The following KCND2 variants were observed in gnomAD, a reference collection of about 807,000 sequenced individuals.
KCND2 encodes the protein potassium voltage-gated channel subfamily D member 2, also known as A-type voltage-gated potassium channel KCND2.
A neutral mutation model predicts 54.4 loss-of-function variants in KCND2; 16 were observed. That is an observed-to-expected ratio of 0.29 (90% CI 0.20 to 0.45). KCND2 has a LOEUF of 0.45. Among genes scored for constraint, KCND2 ranks in the 20% least tolerant of loss-of-function variants. The probability of loss-of-function intolerance (pLI) is 1.00; values close to 1 mark genes in which losing one functional copy is unlikely to be tolerated. For synonymous variants in KCND2, 317 were observed against 310.7 expected, an observed-to-expected ratio of 1.02 and a Z score of -0.21; for missense variants, 486 against 824.2, an observed-to-expected ratio of 0.59 and a Z score of 5.02.
chr7:120,538,728 C>A (rs986984652), intron 1 of KCND2, among the ~76,000 whole-genome samples: 1 of 152,132 alleles, frequency 6.6e-6, no homozygotes, highest in Non-Finnish European at 1.5e-5. Flanking sequence ...AGACTAACCT[C>A]GGCCCTATAA....
chr7:120,485,140 A>G (rs1334464821), intron 1 of KCND2, among the ~76,000 whole-genome samples: 1 of 152,160 alleles, frequency 6.6e-6, no homozygotes, highest in African/African-American at 2.4e-5. Context: ...CTCCAGCCTC[A>G]GTCTCCCAAT....
At position 120,679,254 on chromosome 7, in the gene KCND2, CT is replaced by C. The variant is rs200553418; in HGVS notation, c.1116-53648del. 5.4e-3 allele frequency among the ~76,000 whole-genome samples: 816 copies of C among 151,370 alleles called. 7 individuals are homozygous for C. Among genetic ancestry groups the C allele is most frequent in the Middle Eastern group, 0.031 (9 of 292 alleles). ...AAAGGATCTCTCTCCTTTTTTGTTTCTGCTTCTATATGCTATTTCCAATGAG... is the reference window on the plus strand; with the variant it reads ...AAAGGATCTCTCTCCTTTTTTGTTTCGCTTCTATATGCTATTTCCAATGAG... On this transcript the variant is annotated intron_variant, in intron 1 of 5. Transcript: ENST00000331113.
At chr7:120,529,065 C>A (rs986110397) in intron 1 of KCND2, among the ~76,000 whole-genome samples, 13 of 152,188 alleles carry the variant, frequency 8.5e-5, no homozygotes, top group Admixed American at 2.6e-4. Context: ...GCTTTCACTA[C>A]AACCAGTAAC....
At chr7:120,448,236 G>A (rs1283138815) in intron 1 of KCND2, among the ~76,000 whole-genome samples, 2 of 148,416 alleles carry the variant, frequency 1.3e-5, no homozygotes, top group East Asian at 2.0e-4. Flanking sequence ...GTGTCCAAGT[G>A]TTCTCATTGT....
intron 1 of KCND2, among the ~76,000 whole-genome samples, chr7:120,345,853 T>A (rs893136649): frequency 6.6e-6 from 1 of 152,220 alleles, no homozygotes; most frequent in African/African-American, 2.4e-5. Flanking sequence ...TCCTTTTGAA[T>A]ATATACACAG....
At chr7:120,500,070 G>A (rs909567392) in intron 1 of KCND2, among the ~76,000 whole-genome samples, 2 of 152,028 alleles carry the variant, frequency 1.3e-5, no homozygotes, top group African/African-American at 2.4e-5. Context: ...TATATATGTG[G>A]GCTTTCTTAG....
At position 120,309,476 on chromosome 7, in the gene KCND2, C is replaced by CATATATATATATATATATATAT. The variant is rs1554425449; in HGVS notation, c.1115+33730_1115+33731insTATATATATATATATATATATA. On this transcript the variant is annotated intron_variant, in intron 1 of 5. Transcript: ENST00000331113. Reference sequence around the variant, plus strand: ...ACATATATATATATATATATATATACACACACACACACACACACACACACA... The same window carrying CATATATATATATATATATATAT: ...ACATATATATATATATATATATATACATATATATATATATATATATATACACACACACACACACACACACACA... Among the ~76,000 whole-genome samples, 2 of 78,772 alleles carry CATATATATATATATATATATAT rather than the reference C, an allele frequency of 2.5e-5. 1 individual carries two copies. Among genetic ancestry groups the CATATATATATATATATATATAT allele is most frequent in the East Asian group, 1.3e-3 (2 of 1,576 alleles). 51.7% of individuals were successfully genotyped at this position (78,772 alleles called of 152,430 possible).
chr7:120,464,311 C>A (rs935191993), intron 1 of KCND2, among the ~76,000 whole-genome samples: 2 of 151,634 alleles, frequency 1.3e-5, no homozygotes, highest in African/African-American at 4.8e-5. Flanking sequence ...AATTCTTATT[C>A]ATTTATTTGT....
intron 1 of KCND2, among the ~76,000 whole-genome samples, chr7:120,495,134 A>AT (rs1031605890): frequency 6.6e-6 from 1 of 151,890 alleles, no homozygotes; most frequent in Admixed American, 6.6e-5. Flanking sequence ...TTTTTTTAAT[A>AT]TTTTTTTTCC....
At chr7:120,387,417 A>G (rs982314679) in intron 1 of KCND2, among the ~76,000 whole-genome samples, 1 of 152,042 alleles carries the variant, frequency 6.6e-6, no homozygotes, top group Non-Finnish European at 1.5e-5. Context: ...TAAATAAGTT[A>G]AAGAGTATTT....
intron 1 of KCND2, among the ~76,000 whole-genome samples, chr7:120,595,706 A>T (rs373082220): frequency 1.3e-5 from 2 of 150,932 alleles, no homozygotes; most frequent in Non-Finnish European, 2.9e-5. Flanking sequence ...AATCTCAATG[A>T]TATTTTTAAT....
intron 1 of KCND2, among the ~76,000 whole-genome samples, chr7:120,517,451 T>C (rs778787394): frequency 8.5e-5 from 13 of 152,098 alleles, no homozygotes; most frequent in Non-Finnish European, 1.6e-4. Context: ...AAAAAGTGAT[T>C]AGTATTCGAT....
At chr7:120,479,796 C>CAAAAAAA (rs771337674) in intron 1 of KCND2, among the ~76,000 whole-genome samples, 1 of 75,604 alleles carries the variant, frequency 1.3e-5, no homozygotes, top group Non-Finnish European at 2.9e-5. Context: ...TACACACACA[C>CAAAAAAA]AAAAAAAAAA....
intron 1 of KCND2, among the ~76,000 whole-genome samples, chr7:120,582,059 T>C (rs888131729): frequency 2.0e-5 from 3 of 152,050 alleles, no homozygotes; most frequent in African/African-American, 4.8e-5. Context: ...AAAGAAAACC[T>C]TCAGTCCTTT....
chr7:120,383,481 G>A (rs1800941027), intron 1 of KCND2, among the ~76,000 whole-genome samples: 1 of 150,784 alleles, frequency 6.6e-6, no homozygotes, highest in Non-Finnish European at 1.5e-5. Flanking sequence ...AAATGCATGT[G>A]AAGCCTTATA....
At chr7:120,743,311 A>G (rs1241482040) in intron 4 of KCND2, among the ~76,000 whole-genome samples, 1 of 152,164 alleles carries the variant, frequency 6.6e-6, no homozygotes, top group Admixed American at 6.5e-5. Flanking sequence ...CGGGTGACAC[A>G]TGATTTGTAT....
intron 1 of KCND2, among the ~76,000 whole-genome samples, chr7:120,494,740 T>C (rs540591599): frequency 6.6e-6 from 1 of 152,338 alleles, no homozygotes; most frequent in East Asian, 1.9e-4. Context: ...GTGCATGGCA[T>C]ACTATTTTAT....
intron 1 of KCND2, among the ~76,000 whole-genome samples, chr7:120,453,469 C>T (rs1486732032): frequency 1.3e-5 from 2 of 152,192 alleles, no homozygotes; most frequent in Non-Finnish European, 2.9e-5. Flanking sequence ...GGTGACCCCA[C>T]CCAATCCTGC....
chr7:120,279,148 T>C (rs1292038793), intron 1 of KCND2, among the ~76,000 whole-genome samples: 1 of 151,978 alleles, frequency 6.6e-6, no homozygotes, highest in Non-Finnish European at 1.5e-5. Context: ...TTTCCAAGTG[T>C]TCACCAATAA....
Sources: allele counts gnomAD v4.1 joint callset (sites outside exome capture counted in the v4.1 genomes callset), GRCh38; gene constraint gnomAD v4.1.1; transcripts MANE v1.5; gene names NCBI Gene and HGNC (gene_info 2026-07-23, HGNC 2026-07-21).